ASTN2: variants seen among roughly 807,000 people sequenced by gnomAD.
ASTN2 encodes astrotactin 2.
A neutral mutation model predicts 139.8 loss-of-function variants in ASTN2; 54 were observed. The observed-to-expected ratio is 0.39, with a 90% CI of 0.31 to 0.48. The LOEUF (loss-of-function observed/expected upper bound fraction) is 0.48. ASTN2 is among the 20% of genes least tolerant of loss of function. The pLI, the probability that ASTN2 is intolerant of heterozygous loss-of-function variation, is 0.95. For synonymous variants in ASTN2, 756 were observed against 719.5 expected (o/e 1.05, Z -0.81); for missense variants, 1,565 against 1,725.1 (o/e 0.91, Z 1.64).
At chr9:117,224,668 T>C (rs1832643389) in intron 2 of ASTN2, among the ~76,000 whole-genome samples, 1 of 152,212 alleles carries the variant, frequency 6.6e-6, no homozygotes, top group Admixed American at 6.5e-5. Flanking sequence ...TCTTGCCTGG[T>C]ATTACAGGTG....
chr9:117,181,032 C>G, intron 3 of ASTN2: 1 of 1,559,524 alleles, frequency 6.4e-7, no homozygotes. Context: ...ACTGGGGTAG[C>G]GCAAGGTCAG....
intron 3 of ASTN2, among the ~76,000 whole-genome samples, chr9:117,170,351 G>T (rs1830763044): frequency 6.6e-6 from 1 of 151,962 alleles, no homozygotes; most frequent in Non-Finnish European, 1.5e-5. Flanking sequence ...ATCTTCTTCA[G>T]AACTTATCTA....
chr9:116,632,582 C>A (rs1856861300), intron 17 of ASTN2, among the ~76,000 whole-genome samples: 1 of 152,184 alleles, frequency 6.6e-6, no homozygotes, highest in East Asian at 1.9e-4. Flanking sequence ...CATAGCCTGT[C>A]CCAGTCCTAC....
intron 19 of ASTN2, among the ~76,000 whole-genome samples, chr9:116,532,475 T>G (rs1320840106): frequency 6.6e-6 from 1 of 152,210 alleles, no homozygotes; most frequent in Non-Finnish European, 1.5e-5. Flanking sequence ...GGATTTCTTC[T>G]AGGGTTTTTA....
chr9:117,118,158 C>T (rs114715432), intron 4 of ASTN2, among the ~76,000 whole-genome samples: 3,588 of 152,204 alleles, frequency 0.024, 121 homozygotes, highest in African/African-American at 0.076. Flanking sequence ...TTTAATTTCC[C>T]TGTTTTCTTT....
chr9:116,483,677 C>T (rs1032858705), intron 20 of ASTN2, among the ~76,000 whole-genome samples: 1 of 152,038 alleles, frequency 6.6e-6, no homozygotes, highest in African/African-American at 2.4e-5. Context: ...GGCAGAGACG[C>T]AGAGAGGCAC....
At chr9:116,704,844 G>A (rs949400772) in intron 16 of ASTN2, among the ~76,000 whole-genome samples, 1 of 152,132 alleles carries the variant, frequency 6.6e-6, no homozygotes, top group Non-Finnish European at 1.5e-5. Flanking sequence ...TGACTCTTTT[G>A]AGGGGTAAAT....
chr9:117,171,600 T>G (rs1056387479), intron 3 of ASTN2, among the ~76,000 whole-genome samples: 3 of 152,074 alleles, frequency 2.0e-5, no homozygotes, highest in Non-Finnish European at 4.4e-5. Context: ...ATGGGATCGG[T>G]TTCCCCCATG....
intron 2 of ASTN2, among the ~76,000 whole-genome samples, chr9:117,283,447 T>C (rs1834373945): frequency 6.6e-6 from 1 of 152,222 alleles, no homozygotes; most frequent in Non-Finnish European, 1.5e-5. Context: ...TGAATGATAC[T>C]CATGGGGTAT....
In ASTN2 at chr9:117,006,841, G is replaced by A. The variant is rs976392114; in HGVS notation, c.1591+1251C>T. ...CTAAATAAACAGCACATTAGGCTGG[G>A]CGTGATGGCTCACACGTGTAATCCC... is the stretch of plus-strand genomic sequence containing the variant. On this transcript the variant is annotated intron_variant, in intron 7 of 22. Transcript: ENST00000313400. Among the ~76,000 whole-genome samples the A allele has an allele frequency of 3.3e-5, 5 of 152,122 alleles. No individual in the cohort carries two copies. In the East Asian group the frequency reaches 9.7e-4, roughly 29 times the overall value.
At chr9:116,464,830 C>T (rs1455092969) in intron 20 of ASTN2, among the ~76,000 whole-genome samples, 1 of 152,184 alleles carries the variant, frequency 6.6e-6, no homozygotes, top group Non-Finnish European at 1.5e-5. Flanking sequence ...ATCAACTTAC[C>T]ATTTCTTCCC....
chr9:117,131,075 C>A (rs1829816693), intron 4 of ASTN2, among the ~76,000 whole-genome samples: 2 of 152,168 alleles, frequency 1.3e-5, no homozygotes, highest in Non-Finnish European at 2.9e-5. Flanking sequence ...AAGTTGTCAA[C>A]TTCTAACTAT....
chr9:116,541,885 T>C lies in ASTN2; in HGVS notation c.3356-54385A>G, dbSNP rs191835360. Among the ~76,000 whole-genome samples, 59 of 152,334 alleles carry C rather than the reference T, an allele frequency of 3.9e-4. 1 individual carries two copies. The highest frequency in any genetic ancestry group is 9.2e-4 in the Admixed American group (14 of 15,300). Reference sequence around the variant, plus strand: ...ATAATTGTAGATTCATATGCAGTTATAAGAAATAATAGAGAGAGACCTTGT... The same window carrying C: ...ATAATTGTAGATTCATATGCAGTTACAAGAAATAATAGAGAGAGACCTTGT... On this transcript the variant is annotated intron_variant, in intron 19 of 22. Transcript: ENST00000313400.
chr9:117,035,990 T>A (rs1838374073), intron 6 of ASTN2, among the ~76,000 whole-genome samples: 1 of 152,196 alleles, frequency 6.6e-6, no homozygotes. Context: ...ACTGTTTTAA[T>A]AATAAGAGTA....
intron 19 of ASTN2, among the ~76,000 whole-genome samples, chr9:116,551,672 C>A (rs915236927): frequency 3.3e-5 from 5 of 152,178 alleles, no homozygotes. Context: ...TCCTCCAGCA[C>A]CCCCTACAAC....
At chr9:117,067,574 T>C (rs1021268046) in intron 5 of ASTN2, among the ~76,000 whole-genome samples, 10 of 143,976 alleles carry the variant, frequency 6.9e-5, no homozygotes, top group African/African-American at 2.3e-4. Context: ...GGGGATGGCA[T>C]TGAATCTGTA....
rs16934468 is a variant in ASTN2 at position 117,300,064 on chromosome 9, G to A, written c.443-8551C>T. ...AGCAACATGCTTGGAAATCTGCAAAGTTTTACAGTTAGTACTGAAAGCAAA... is the reference window on the plus strand; with the variant it reads ...AGCAACATGCTTGGAAATCTGCAAAATTTTACAGTTAGTACTGAAAGCAAA... On this transcript the variant is annotated intron_variant, in intron 1 of 22. Coordinates refer to ENST00000313400, the MANE Select transcript of ASTN2 (RefSeq NM_001365068.1). Among the ~76,000 whole-genome samples the A allele has an allele frequency of 5.4e-3, 820 of 152,266 alleles. 5 individuals are homozygous for A. Among genetic ancestry groups the A allele is most frequent in the African/African-American group, 0.019 (770 of 41,550 alleles).
intron 10 of ASTN2, among the ~76,000 whole-genome samples, chr9:116,942,562 T>G (rs1261281416): frequency 6.6e-6 from 1 of 152,206 alleles, no homozygotes. Context: ...GTGCCTGCAA[T>G]GAAAGTCCTC....
chr9:117,139,532 A>G (rs1056951004), intron 4 of ASTN2, among the ~76,000 whole-genome samples: 6 of 152,158 alleles, frequency 3.9e-5, no homozygotes, highest in South Asian at 2.1e-4. Context: ...TTCTGCCTCA[A>G]TTTGTGATCT....
Sources: gnomAD v4.1 joint callset for allele counts (sites outside exome capture counted in the v4.1 genomes callset) on GRCh38, gnomAD v4.1.1 for gene constraint, MANE v1.5 for transcripts, NCBI Gene and HGNC (gene_info 2026-07-23, HGNC 2026-07-21) for gene names.